The following TECPR1 variants were observed in gnomAD, a reference collection of about 807,000 sequenced individuals.
The protein encoded by TECPR1 is tectonin beta-propeller repeat-containing protein 1.
Under a neutral mutation model 162.4 loss-of-function variants are expected in TECPR1, and 122 were observed. The ratio of observed to expected loss-of-function variants is 0.75; its 90% CI spans 0.65 to 0.87. The LOEUF is 0.87. Among genes scored for constraint, TECPR1 ranks in the 40% least tolerant of loss-of-function variants. TECPR1 has a pLI of 0.00. For missense variants in TECPR1, 1,432 were observed against 1,618.2 expected, an observed-to-expected ratio of 0.88 and a Z score of 1.97; for synonymous variants, 642 against 670.6, an observed-to-expected ratio of 0.96 and a Z score of 0.66.
chr7:98,237,686 C>T (rs548408828), intron 9 of TECPR1, among the ~76,000 whole-genome samples: 2 of 152,300 alleles, frequency 1.3e-5, no homozygotes, highest in South Asian at 4.1e-4. Context: ...CCAGGCTGGT[C>T]TCAAACTCCT....
Position 98,236,954 on chromosome 7 carries a change from G to T in TECPR1, c.1036-33C>A, listed in dbSNP as rs777208292. 16 of 1,500,776 alleles carry T rather than the reference G, an allele frequency of 1.1e-5. No individual in the cohort carries two copies. In the African/African-American group the frequency reaches 2.0e-4, roughly 18 times the overall value. 93.0% of individuals were successfully genotyped at this position (1,500,776 alleles called of 1,614,324 possible). The stretch of plus-strand genomic sequence containing the variant: ...AGAGAGGCTGTGTTCCGAGGAATCT[G>T]GGCGCAGGCCCGGGGGCTCTTCTCG... On this transcript the variant is annotated intron_variant, in intron 9 of 25. Transcript: ENST00000447648.
At chr7:98,221,873 CACACAGA>C in intron 22 of TECPR1, 120 bp from the exon 23 acceptor site, 2 of 742,088 alleles carry the variant, frequency 2.7e-6, no homozygotes, top group Non-Finnish European at 4.5e-6. Flanking sequence ...AGCTGTGTGC[CACACAGA>C]GCTGACACGT....
At chr7:98,225,599 G>A (rs1054467040) in intron 17 of TECPR1, among the ~76,000 whole-genome samples, 1 of 151,728 alleles carries the variant, frequency 6.6e-6, no homozygotes, top group Non-Finnish European at 1.5e-5. Flanking sequence ...GCATAGAGGG[G>A]AAAAGACTTT....
At chr7:98,219,506 C>A (rs1488466110) in intron 23 of TECPR1, among the ~76,000 whole-genome samples, 1 of 152,146 alleles carries the variant, frequency 6.6e-6, no homozygotes, top group Non-Finnish European at 1.5e-5. Context: ...GACTCATAAC[C>A]AGAATCTAGA....
intron 13 of TECPR1, 63 bp from the exon 14 acceptor site, chr7:98,231,436 C>CTCA: frequency 6.6e-7 from 1 of 1,515,130 alleles, no homozygotes; most frequent in Non-Finnish European, 8.9e-7. Context: ...TGGAGGGTGA[C>CTCA]CCCCACTGTG....
chr7:98,243,696 C>T (rs1369900659), intron 5 of TECPR1, 104 bp from the exon 6 acceptor site: 8 of 1,411,052 alleles, frequency 5.7e-6, no homozygotes. Context: ...TTCTTCAGCC[C>T]AGCCTGCAGC....
chr7:98,227,953 T>C, intron 17 of TECPR1, 61 bp downstream of exon 17: 1 of 1,423,444 alleles, frequency 7.0e-7, no homozygotes. Context: ...TGCTGTCCTA[T>C]TTTTGCCAGG....
At chr7:98,242,913 C>T in intron 6 of TECPR1, among the ~76,000 whole-genome samples, 1 of 150,932 alleles carries the variant, frequency 6.6e-6, no homozygotes, top group Non-Finnish European at 1.5e-5. Context: ...CTCACCCACC[C>T]ATCCACACAC....
chr7:98,230,110 C>T (rs958048401), intron 15 of TECPR1, among the ~76,000 whole-genome samples: 1 of 151,892 alleles, frequency 6.6e-6, no homozygotes, highest in African/African-American at 2.4e-5. Context: ...GATCTTCCCA[C>T]CTCAGCCCTC....
At position 98,238,534 on chromosome 7, in the gene TECPR1, A is replaced by G. The variant is rs1422126598; in HGVS notation, c.1010T>C (p.Met337Thr). Reference sequence around the variant, plus strand: ...CTGGTCGTTCATTCCCACGTTCACCATCGTCATCTCACCAACCATCTCAAT... The same window carrying G: ...CTGGTCGTTCATTCCCACGTTCACCGTCGTCATCTCACCAACCATCTCAAT... ...SWIEMVGEMT[M>T]VNVGMNDQVW... Residue 337 changes from methionine (M) to threonine (T), a missense_variant, in exon 9 of 26, where the codon ATG becomes ACG. Coordinates refer to ENST00000447648, the MANE Select transcript of TECPR1 (RefSeq NM_015395.3). The G allele has an allele frequency of 1.3e-6, 2 of 1,570,132 alleles. No homozygotes were observed. The highest frequency in any genetic ancestry group is 1.9e-5 in the Admixed American group (1 of 53,344).
intron 9 of TECPR1, among the ~76,000 whole-genome samples, chr7:98,237,161 G>T (rs1484383659): frequency 6.6e-6 from 1 of 151,962 alleles, no homozygotes; most frequent in Non-Finnish European, 1.5e-5. Context: ...AAGGTGACAA[G>T]GTCCACGGGA....
rs530801586 is a variant in TECPR1 at position 98,244,787 on chromosome 7, G to A, written c.409-94C>T. 37 of 1,580,622 alleles carry A rather than the reference G, an allele frequency of 2.3e-5. 1 individual carries two copies. In the African/African-American group the frequency reaches 3.4e-4, roughly 14 times the overall value. On this transcript the variant is annotated intron_variant, in intron 4 of 25. Transcript: ENST00000447648. ...AGGGAGGGTGTGGCCTGAAACACCC[G>A]AGCTCAGGCACCACAGGGTGCAGGG...
intron 10 of TECPR1, 46 bp from the exon 11 acceptor site, chr7:98,233,957 A>G (rs1798527034): frequency 8.2e-6 from 12 of 1,466,068 alleles, no homozygotes; most frequent in Non-Finnish European, 1.1e-5. Context: ...GCAGGGGAAC[A>G]GGCGCTGTCA....
intron 9 of TECPR1, among the ~76,000 whole-genome samples, chr7:98,237,375 C>T (rs1419104933): frequency 6.6e-6 from 1 of 151,684 alleles, no homozygotes; most frequent in Non-Finnish European, 1.5e-5. Context: ...CTCACTGAAA[C>T]CTCCGCCTCC....
chr7:98,230,176 CTTTTTTT>C (rs879558249), intron 15 of TECPR1, among the ~76,000 whole-genome samples: 1 of 145,124 alleles, frequency 6.9e-6, no homozygotes, highest in Non-Finnish European at 1.5e-5. Flanking sequence ...TTTTTGGTTT[CTTTTTTT>C]TTTTGTAGAG....
At chr7:98,222,261 G>A in intron 22 of TECPR1, 125 bp downstream of exon 22, 1 of 1,350,684 alleles carries the variant, frequency 7.4e-7, no homozygotes, top group Non-Finnish European at 9.9e-7. Flanking sequence ...CCCAGTGGGA[G>A]GGGGACTCCC....
intron 2 of TECPR1, among the ~76,000 whole-genome samples, chr7:98,246,849 T>C (rs921120999): frequency 4.0e-5 from 6 of 151,644 alleles, no homozygotes; most frequent in African/African-American, 1.2e-4. Context: ...TCCCGAAGTG[T>C]TGGGATTAGA....
At chr7:98,244,469 G>C in intron 5 of TECPR1, 102 bp downstream of exon 5, 1 of 1,457,778 alleles carries the variant, frequency 6.9e-7, no homozygotes, top group Non-Finnish European at 9.2e-7. Flanking sequence ...GGTGGGCGTG[G>C]TGTCCCCTGG....
At chr7:98,233,344 C>A (rs1010693355) in intron 11 of TECPR1, 77 bp downstream of exon 11, 3 of 1,388,724 alleles carry the variant, frequency 2.2e-6, no homozygotes, top group South Asian at 3.6e-5. Flanking sequence ...GCCCCCTGAC[C>A]CCGGCCTCCT....
Sources: allele counts gnomAD v4.1 joint callset (sites outside exome capture counted in the v4.1 genomes callset), GRCh38; gene constraint gnomAD v4.1.1; transcripts MANE v1.5; gene names NCBI Gene and HGNC (gene_info 2026-07-23, HGNC 2026-07-21).